Variants in MCM8 observed in about 807,000 individuals in gnomAD.
MCM8 encodes minichromosome maintenance 8 homologous recombination repair factor, also known as DNA helicase MCM8.
A neutral mutation model predicts 98.9 loss-of-function variants in MCM8; 85 were observed. The ratio of observed to expected loss-of-function variants is 0.86; its 90% CI spans 0.72 to 1.03. MCM8 has a LOEUF of 1.03. Ranked by LOEUF, MCM8 falls within the 50% of genes least tolerant of loss-of-function variation. The pLI, the probability that MCM8 is intolerant of heterozygous loss-of-function variation, is 0.00. For missense variants in MCM8, 951 were observed against 997.8 expected (o/e 0.95, Z 0.63); for synonymous variants, 352 against 338.6 (o/e 1.04, Z -0.44).
chr20:5,986,295 A>G (rs924316670), intron 16 of MCM8, among the ~76,000 whole-genome samples, 164 bp downstream of exon 16: 14 of 152,254 alleles, frequency 9.2e-5, no homozygotes, highest in Non-Finnish European at 4.4e-5. Context: ...TGTCATGTCT[A>G]TAACATATCC....
intron 7 of MCM8, among the ~76,000 whole-genome samples, chr20:5,961,472 G>T (rs2089141682): frequency 6.6e-6 from 1 of 152,126 alleles, no homozygotes; most frequent in Admixed American, 6.6e-5. Flanking sequence ...AATTCCTAAG[G>T]CTTCTTTCTC....
In MCM8 at chr20:5,985,207, A is replaced by C. The variant is rs1467419919; in HGVS notation, c.1953+207A>C. ...ATGCCGGTAATCCCAGCACTTTGGG[A>C]GGCCGAGGCAGGTGGATCATGAGGT... On this transcript the variant is annotated intron_variant, in intron 15 of 18. Transcript: ENST00000610722. Among the ~76,000 whole-genome samples the C allele has an allele frequency of 1.3e-5, 2 of 152,120 alleles. 1 individual carries two copies. Among genetic ancestry groups the C allele is most frequent in the Middle Eastern group, 6.3e-3 (2 of 316 alleles).
At chr20:5,982,243 A>C (rs1279535380) in intron 13 of MCM8, among the ~76,000 whole-genome samples, 1 of 152,182 alleles carries the variant, frequency 6.6e-6, no homozygotes, top group African/African-American at 2.4e-5. Flanking sequence ...CAAAAAGACT[A>C]ATCAGCAGTT....
chr20:5,972,177 G>A (rs1329269014), intron 11 of MCM8, 140 bp downstream of exon 11: 9 of 537,152 alleles, frequency 1.7e-5, no homozygotes, highest in South Asian at 1.3e-4. Flanking sequence ...TGATATGGGA[G>A]GCAAGCAAAC....
chr20:5,962,365 T>TTC lies in MCM8; in HGVS notation c.790-908_790-907insCT, dbSNP rs2089168705. Among the ~76,000 whole-genome samples the TTC allele has an allele frequency of 3.9e-5, 2 of 51,686 alleles. 1 individual carries two copies. Among genetic ancestry groups the TTC allele is most frequent in the Admixed American group, 3.3e-4 (2 of 6,026 alleles). 33.9% of individuals were successfully genotyped at this position (51,686 alleles called of 152,430 possible). A position where few individuals can be genotyped will look rare whatever the true frequency, so the allele number is the denominator to read the frequency against. On this transcript the variant is annotated intron_variant, in intron 7 of 18. Transcript: ENST00000610722. ...TAGCCTTCATTTCTTTTTTTTTTTTTTTTTTTTTTTTTTTTTTTTTGAGAC... is the reference window on the plus strand; with the variant it reads ...TAGCCTTCATTTCTTTTTTTTTTTTTTCTTTTTTTTTTTTTTTTTTTTGAGAC...
chr20:5,957,020 T>TTATTC (rs1234031968), intron 5 of MCM8, 106 bp from the exon 6 acceptor site: 3 of 566,692 alleles, frequency 5.3e-6, no homozygotes, highest in Non-Finnish European at 8.7e-6. Context: ...TTTTCTGTTT[T>TTATTC]TATTCTGTTT....
At chr20:5,954,038 A>C (rs1212624561) in intron 3 of MCM8, among the ~76,000 whole-genome samples, 1 of 152,224 alleles carries the variant, frequency 6.6e-6, no homozygotes, top group Admixed American at 6.5e-5. Flanking sequence ...ACAGTCCTAA[A>C]GATGGAGTTC....
At chr20:5,993,275 C>G (rs945473301) in intron 17 of MCM8, among the ~76,000 whole-genome samples, 1 of 152,122 alleles carries the variant, frequency 6.6e-6, no homozygotes, top group African/African-American at 2.4e-5. Context: ...GCATTTCTCT[C>G]TCCAAATTTA....
In MCM8 at chr20:5,955,189, G is replaced by A. The variant is rs1376900897; in HGVS notation, c.424G>A (p.Ala142Thr). 15 of 1,613,792 alleles carry A rather than the reference G, an allele frequency of 9.3e-6. No individual in the cohort carries two copies. Among genetic ancestry groups the A allele is most frequent in the Non-Finnish European group, 9.3e-6 (11 of 1,179,906 alleles). ...GEVTNLIPDI[A>T]TELRDAPEKT... ...AGTAACTAACTTGATACCAGATATA[G>A]CAACTGAACTAAGAGATGCACCTGA... The change falls in exon 5 of 19, where the codon GCA becomes ACA. Residue 142 changes from alanine to threonine, a missense_variant. Transcript: ENST00000610722.
intron 13 of MCM8, 23 bp downstream of exon 13, chr20:5,978,040 T>G: frequency 1.9e-6 from 3 of 1,613,310 alleles, no homozygotes; most frequent in Non-Finnish European, 2.5e-6. Context: ...AGGGAATAAT[T>G]AGTGATTCTG....
chr20:5,992,612 GAAT>G (rs1046433886), intron 17 of MCM8, among the ~76,000 whole-genome samples: 3 of 152,046 alleles, frequency 2.0e-5, no homozygotes, highest in African/African-American at 7.2e-5. Flanking sequence ...AGTTTTATTT[GAAT>G]GACTCATTCC....
intron 12 of MCM8, among the ~76,000 whole-genome samples, chr20:5,974,469 G>A (rs1449277361): frequency 6.6e-6 from 1 of 152,198 alleles, no homozygotes; most frequent in Non-Finnish European, 1.5e-5. Flanking sequence ...TTCTTCACTC[G>A]ATGTGGAAAA....
chr20:5,969,389 C>T (rs558194085), intron 10 of MCM8, among the ~76,000 whole-genome samples: 4 of 151,984 alleles, frequency 2.6e-5, no homozygotes, highest in East Asian at 3.9e-4. Context: ...GTCAGGAGTT[C>T]GAGACCAACC....
At position 5,973,069 on chromosome 20, in the gene MCM8, G is replaced by C. The variant is rs200207812; in HGVS notation, c.1268G>C (p.Gly423Ala). The change falls in exon 12 of 19, where the codon GGT becomes GCT. Residue 423 changes from glycine (G) to alanine (A), a missense_variant. Gly to Ala is a moderately conservative substitution (Grantham distance 60). Transcript: ENST00000610722. ...TTCGCACTTGAGCTTGTTAAAGCAG[G>C]TTTGGCATTAGCACTCTTTGGAGGA... Reference protein sequence around the residue: ...VIFGHELVKAGLALALFGGSQ... With the variant: ...VIFGHELVKAALALALFGGSQ... The C allele has an allele frequency of 6.2e-7, 1 of 1,614,102 alleles. No homozygotes were observed. The highest frequency in any genetic ancestry group is 2.2e-5 in the East Asian group (1 of 44,870).
chr20:5,989,610 C>G (rs2089805529), intron 17 of MCM8, among the ~76,000 whole-genome samples: 1 of 152,212 alleles, frequency 6.6e-6, no homozygotes. Context: ...TATGTCTTAG[C>G]TGCAGATCCT....
intron 14 of MCM8, among the ~76,000 whole-genome samples, 192 bp from the exon 15 acceptor site, chr20:5,984,589 A>G (rs1042308761): frequency 1.3e-5 from 2 of 152,210 alleles, no homozygotes; most frequent in Non-Finnish European, 2.9e-5. Flanking sequence ...GGGTAGATAC[A>G]TGTAATTCTT....
intron 10 of MCM8, among the ~76,000 whole-genome samples, chr20:5,970,502 C>T (rs1240055567): frequency 6.6e-6 from 1 of 152,178 alleles, no homozygotes; most frequent in African/African-American, 2.4e-5. Context: ...TAAGGGCCTA[C>T]ATTTGGGACT....
At position 5,975,259 on chromosome 20, in the gene MCM8, T is replaced by TA. The variant is rs534162187; in HGVS notation, c.1395+2078dup. ...GGGCAATAGAGCAAGACCCTGTCTTTAAAAAAAAAAAAAAAGAAAACATTA... is the reference window on the plus strand; with the variant it reads ...GGGCAATAGAGCAAGACCCTGTCTTTAAAAAAAAAAAAAAAAGAAAACATTA... On this transcript the variant is annotated intron_variant, in intron 12 of 18. Coordinates refer to ENST00000610722, the MANE Select transcript of MCM8 (RefSeq NM_032485.6). Among the ~76,000 whole-genome samples, 763 of 139,646 alleles carry TA rather than the reference T, an allele frequency of 5.5e-3. 6 individuals carry two copies. The highest frequency in any genetic ancestry group is 0.011 in the African/African-American group (408 of 37,912). 91.6% of individuals were successfully genotyped at this position (139,646 alleles called of 152,430 possible).
chr20:5,958,213 A>G (rs944482041), intron 6 of MCM8, among the ~76,000 whole-genome samples: 3 of 152,200 alleles, frequency 2.0e-5, no homozygotes, highest in African/African-American at 7.2e-5. Flanking sequence ...TACTAAAAAT[A>G]CAAAAATTAG....
Sources: allele counts gnomAD v4.1 joint callset (sites outside exome capture counted in the v4.1 genomes callset), GRCh38; gene constraint gnomAD v4.1.1; transcripts MANE v1.5; gene names NCBI Gene and HGNC (gene_info 2026-07-23, HGNC 2026-07-21).